SUN1: variants seen among roughly 807,000 people sequenced by gnomAD.
SUN1 encodes SUN domain-containing protein 1.
A neutral mutation model predicts 103.2 loss-of-function variants in SUN1; 61 were observed. The ratio of observed to expected loss-of-function variants is 0.59; its 90% CI spans 0.48 to 0.73. The LOEUF (loss-of-function observed/expected upper bound fraction) is 0.73. SUN1 is among the 30% of genes least tolerant of loss of function. SUN1 has a pLI of 0.00. For missense variants in SUN1, 1,052 were observed against 1,034.6 expected (o/e 1.02, Z -0.23); for synonymous variants, 490 against 425.7 (o/e 1.15, Z -1.86).
intron 15 of SUN1, among the ~76,000 whole-genome samples, chr7:862,128 G>C (rs1243045722): frequency 6.6e-6 from 1 of 152,214 alleles, no homozygotes; most frequent in Non-Finnish European, 1.5e-5. Context: ...GTCCGCTCAG[G>C]GAAGGTGTGC....
At chr7:870,788 G>A (rs1446470512) in intron 17 of SUN1, among the ~76,000 whole-genome samples, 1 of 151,992 alleles carries the variant, frequency 6.6e-6, no homozygotes, top group Non-Finnish European at 1.5e-5. Context: ...TCCCGTGGAC[G>A]AGACACTCAC....
chr7:838,716 CTT>C (rs1658675285), intron 1 of SUN1, 80 bp from the exon 2 acceptor site: 2 of 1,359,752 alleles, frequency 1.5e-6, no homozygotes, highest in Admixed American at 2.8e-5. Context: ...GTACATTGCA[CTT>C]TCAGTTTATG....
chr7:837,416 GTC>G (rs1029715503), intron 1 of SUN1, among the ~76,000 whole-genome samples: 9 of 152,184 alleles, frequency 5.9e-5, no homozygotes, highest in Non-Finnish European at 1.2e-4. Flanking sequence ...CTTGGTATCT[GTC>G]TCTGGTTTTC....
At chr7:868,398 G>T in intron 16 of SUN1, 1 of 268,220 alleles carries the variant, frequency 3.7e-6, no homozygotes, top group South Asian at 3.5e-5. Flanking sequence ...TTGCCAGGCT[G>T]TGCTTCTGGG....
At chr7:836,212 A>G (rs1263753369) in intron 1 of SUN1, among the ~76,000 whole-genome samples, 4 of 152,158 alleles carry the variant, frequency 2.6e-5, no homozygotes, top group African/African-American at 9.7e-5. Flanking sequence ...CTGAAGATGT[A>G]GGAGAACGAG....
rs1308491959 is a variant in SUN1 at position 821,801 on chromosome 7, C to G, written c.-74+5128C>G. On this transcript the variant is annotated intron_variant, in intron 1 of 17. Transcript: ENST00000389574. ...CACTGGTGATTCCAGTTAAGCGGTC[C>G]TGAACACAGCGGGAAAGGGAGTTCC... 2.0e-5 allele frequency among the ~76,000 whole-genome samples: 3 copies of G among 152,118 alleles called. No homozygotes were observed. The East Asian group carries it at 5.8e-4, about 29-fold the overall frequency.
At chr7:864,665 G>A (rs1278869285) in intron 15 of SUN1, among the ~76,000 whole-genome samples, 4 of 57,010 alleles carry the variant, frequency 7.0e-5, no homozygotes, top group Non-Finnish European at 1.5e-4. Flanking sequence ...GTCTCGCTCT[G>A]TCGCCCAGGC....
At chr7:860,454 G>A in intron 14 of SUN1, 72 bp downstream of exon 14, 1 of 1,573,288 alleles carries the variant, frequency 6.4e-7, no homozygotes, top group Non-Finnish European at 8.6e-7. Flanking sequence ...CTAGCTGTGA[G>A]GTGTGGATGT....
At chr7:823,430 A>G (rs1442075531) in intron 1 of SUN1, among the ~76,000 whole-genome samples, 1 of 152,056 alleles carries the variant, frequency 6.6e-6, no homozygotes, top group African/African-American at 2.4e-5. Context: ...TAACTAGACC[A>G]AGGAGATGCG....
chr7:871,920 T>C (rs1841998149), intron 17 of SUN1, among the ~76,000 whole-genome samples: 1 of 152,240 alleles, frequency 6.6e-6, no homozygotes, highest in South Asian at 2.1e-4. Flanking sequence ...CACACTGTTG[T>C]GCAGCCATCA....
intron 1 of SUN1, among the ~76,000 whole-genome samples, chr7:822,586 C>G (rs772302740): frequency 6.6e-6 from 1 of 152,114 alleles, no homozygotes; most frequent in Non-Finnish European, 1.5e-5. Context: ...AAGATGTGAG[C>G]TGTATCTGCA....
rs765792622 is a variant in SUN1 at position 851,467 on chromosome 7, G to T, written c.742G>T (p.Ala248Ser). 6.2e-7 allele frequency: 1 copy of T among 1,606,940 alleles called. No individual in the cohort carries two copies. Among genetic ancestry groups the T allele is most frequent in the Non-Finnish European group, 8.5e-7 (1 of 1,176,712 alleles). Residue 248 changes from alanine (A) to serine (S), a missense_variant, in exon 6 of 19, where the codon GCC becomes TCC. By Grantham distance (99) the Ala-to-Ser change is moderately conservative (BLOSUM62 1). This residue lies in a region of SUN1 where 846 missense variants were observed against 774.5 expected (regional missense o/e 1.09). Transcript: ENST00000401592. ...SRTAWSALWL[A>S]VVAPGKAASG... Reference sequence around the variant, plus strand: ...GACGGCGTGGTCGGCCCTTTGGCTGGCCGTGGTTGCTCCAGGTGGCTATTT... The same window carrying T: ...GACGGCGTGGTCGGCCCTTTGGCTGTCCGTGGTTGCTCCAGGTGGCTATTT...
intron 1 of SUN1, among the ~76,000 whole-genome samples, chr7:821,695 C>T (rs1000521991): frequency 6.6e-6 from 1 of 152,150 alleles, no homozygotes; most frequent in Admixed American, 6.5e-5. Flanking sequence ...CAACCCTTGC[C>T]CTTACCGCAG....
At chr7:843,262 T>C (rs1281950326) in intron 4 of SUN1, 30 bp downstream of exon 4, 5 of 1,607,756 alleles carry the variant, frequency 3.1e-6, no homozygotes, top group East Asian at 2.2e-5. Context: ...TATCTTCATA[T>C]ACTTTTCAAA....
intron 1 of SUN1, among the ~76,000 whole-genome samples, chr7:827,211 G>A (rs994035819): frequency 1.3e-5 from 2 of 151,700 alleles, no homozygotes; most frequent in East Asian, 2.0e-4. Context: ...TGCTAGAGAC[G>A]GGGTTTCACC....
chr7:867,621 G>A (rs1838053231), intron 16 of SUN1, among the ~76,000 whole-genome samples: 1 of 152,204 alleles, frequency 6.6e-6, no homozygotes, highest in African/African-American at 2.4e-5. Flanking sequence ...GGAAGTGCAC[G>A]GTCACTGGAG....
intron 1 of SUN1, among the ~76,000 whole-genome samples, chr7:836,288 C>A (rs184859336): frequency 6.6e-6 from 1 of 152,092 alleles, no homozygotes; most frequent in Non-Finnish European, 1.5e-5. Context: ...AGGCTTGGCT[C>A]GGGATTACTT....
At position 842,076 on chromosome 7, in the gene SUN1, C is replaced by T. The variant is rs1212790825; in HGVS notation, c.397C>T (p.Pro133Ser). The change falls in exon 3 of 19, where the codon CCT (proline) becomes TCT (serine). Residue 133 changes from proline (P) to serine (S), a missense_variant. Around this residue, in one of 2 missense-constraint regions of SUN1, gnomAD observed 846 missense variants for 774.5 expected, o/e 1.09. Transcript: ENST00000401592. ...SLQDAVTRRP[P>S]VLDESWIREQ... ...GCAGGATGCTGTGACTCGACGGCCT[C>T]CTGTATTGGACGAGTCTTGGATTCG... 6.2e-7 allele frequency: 1 copy of T among 1,614,220 alleles called. No homozygotes were observed. Among genetic ancestry groups the T allele is most frequent in the Admixed American group, 1.7e-5 (1 of 60,022 alleles).
chr7:843,846 A>G, intron 5 of SUN1: 8 of 1,358,060 alleles, frequency 5.9e-6, no homozygotes, highest in Non-Finnish European at 7.6e-6. Flanking sequence ...AACGGCACAG[A>G]TGTTCACACA....
Sources: allele counts gnomAD v4.1 joint callset (sites outside exome capture counted in the v4.1 genomes callset), GRCh38; gene constraint gnomAD v4.1.1; regional missense constraint gnomAD v4.1.1; transcripts MANE v1.5; gene names NCBI Gene and HGNC (gene_info 2026-07-23, HGNC 2026-07-21).